Variants in RFX3 observed in about 807,000 individuals in gnomAD.
RFX3 encodes the protein transcription factor RFX3.
RFX3 carries 14 observed loss-of-function variants against 98.6 expected under a neutral mutation model. The observed-to-expected ratio is 0.14, with a 90% CI of 0.09 to 0.22. RFX3 has a LOEUF of 0.22. Among genes scored for constraint, RFX3 ranks in the 10% least tolerant of loss-of-function variants. The probability of loss-of-function intolerance (pLI) is 1.00; values close to 1 mark genes in which losing one functional copy is unlikely to be tolerated. For synonymous variants in RFX3, 383 were observed against 328.4 expected (o/e 1.17, Z -1.80); for missense variants, 639 against 926.9 (o/e 0.69, Z 4.03).
chr9:3,411,337 CT>C (rs1273816777), intron 1 of RFX3, among the ~76,000 whole-genome samples: 1 of 151,972 alleles, frequency 6.6e-6, no homozygotes, highest in Non-Finnish European at 1.5e-5. Flanking sequence ...CCCTTTCTCC[CT>C]TGCTCCTTTC....
chr9:3,457,139 C>CAAAAA (rs1169959832), intron 1 of RFX3, among the ~76,000 whole-genome samples: 1,234 of 22,406 alleles, frequency 0.055, 7 homozygotes, highest in Non-Finnish European at 0.063. Flanking sequence ...GACTCCATCT[C>CAAAAA]AAAAAAAAAA....
At chr9:3,501,168 T>G (rs896875022) in intron 1 of RFX3, among the ~76,000 whole-genome samples, 2 of 152,182 alleles carry the variant, frequency 1.3e-5, no homozygotes, top group African/African-American at 4.8e-5. Context: ...CCAGTTTTCT[T>G]GGACTAGTAA....
At chr9:3,369,860 T>G (rs376433479) in intron 2 of RFX3, among the ~76,000 whole-genome samples, 4 of 152,118 alleles carry the variant, frequency 2.6e-5, no homozygotes, top group Admixed American at 6.5e-5. Context: ...CACGGAGTCT[T>G]GATCTGTCGC....
At chr9:3,493,841 A>T (rs1361377364) in intron 1 of RFX3, among the ~76,000 whole-genome samples, 1 of 150,718 alleles carries the variant, frequency 6.6e-6, no homozygotes, top group African/African-American at 2.4e-5. Context: ...AGCTCTTCCA[A>T]CTCTTTATAC....
chr9:3,367,612 C>T (rs1431207410), intron 2 of RFX3, among the ~76,000 whole-genome samples: 1 of 152,190 alleles, frequency 6.6e-6, no homozygotes, highest in African/African-American at 2.4e-5. Flanking sequence ...GGAATTGTTA[C>T]CAACATTTTA....
intron 1 of RFX3, among the ~76,000 whole-genome samples, chr9:3,501,205 A>G (rs1815963880): frequency 6.6e-6 from 1 of 152,168 alleles, no homozygotes; most frequent in Non-Finnish European, 1.5e-5. Flanking sequence ...CTTCATCTCC[A>G]TTTACCCACC....
chr9:3,294,527 T>C (rs72699033), intron 5 of RFX3, among the ~76,000 whole-genome samples: 1 of 152,048 alleles, frequency 6.6e-6, no homozygotes, highest in East Asian at 1.9e-4. Flanking sequence ...TATGGACATT[T>C]AAATAAATAA....
intron 9 of RFX3, among the ~76,000 whole-genome samples, chr9:3,273,419 T>C (rs1824768932): frequency 2.0e-5 from 3 of 152,170 alleles, no homozygotes; most frequent in African/African-American, 7.2e-5. Context: ...TTTTTGAAAA[T>C]GGTATGTTAA....
At chr9:3,291,813 T>C (rs1307768945) in intron 6 of RFX3, among the ~76,000 whole-genome samples, 1 of 151,708 alleles carries the variant, frequency 6.6e-6, no homozygotes, top group African/African-American at 2.4e-5. Context: ...TTAAAAACTC[T>C]TCACTTTGGG....
intron 4 of RFX3, among the ~76,000 whole-genome samples, chr9:3,312,516 T>G (rs1830075595): frequency 6.6e-6 from 1 of 151,456 alleles, no homozygotes; most frequent in Admixed American, 6.6e-5. Flanking sequence ...TCCACAGCAA[T>G]GTCAAGAAGT....
chr9:3,376,315 C>T (rs1301469796), intron 2 of RFX3, among the ~76,000 whole-genome samples: 1 of 152,102 alleles, frequency 6.6e-6, no homozygotes, highest in Admixed American at 6.5e-5. Flanking sequence ...AACCATGGGA[C>T]TCAACAGGTC....
At chr9:3,276,010 T>C (rs1825165217) in intron 8 of RFX3, among the ~76,000 whole-genome samples, 1 of 152,158 alleles carries the variant, frequency 6.6e-6, no homozygotes. Context: ...TGTTCTTAAC[T>C]GTTATAGAGT....
intron 1 of RFX3, among the ~76,000 whole-genome samples, chr9:3,416,669 C>A (rs1319987516): frequency 6.6e-6 from 1 of 152,098 alleles, no homozygotes; most frequent in Admixed American, 6.6e-5. Context: ...TGAAGGTACA[C>A]TGTGATAAGT....
chr9:3,347,543 G>T (rs1563964543), intron 2 of RFX3, among the ~76,000 whole-genome samples: 1 of 151,950 alleles, frequency 6.6e-6, no homozygotes, highest in Admixed American at 6.6e-5. Flanking sequence ...ATTCCAGAAG[G>T]CCGGGTGCGG....
At chr9:3,310,251 T>C (rs993398290) in intron 4 of RFX3, among the ~76,000 whole-genome samples, 2 of 152,284 alleles carry the variant, frequency 1.3e-5, no homozygotes, top group East Asian at 1.9e-4. Flanking sequence ...CCTGGACATG[T>C]TGGTTACATA....
intron 6 of RFX3, among the ~76,000 whole-genome samples, chr9:3,291,390 AAAAACAAAACAAAACAAAAC>A (rs71324240): frequency 0.11 from 16,072 of 139,854 alleles, 865 homozygotes; most frequent in Middle Eastern, 0.2. Flanking sequence ...AAACAAAAAC[AAAAACAAAACAAAACAAAAC>A]AAAACAAAAC....
intron 1 of RFX3, among the ~76,000 whole-genome samples, chr9:3,409,407 G>A (rs1288803777): frequency 6.6e-6 from 1 of 152,106 alleles, no homozygotes; most frequent in Non-Finnish European, 1.5e-5. Context: ...ATTCAGCTGC[G>A]TTAGACTGTT....
At chr9:3,373,197 T>G (rs933888072) in intron 2 of RFX3, among the ~76,000 whole-genome samples, 2 of 152,182 alleles carry the variant, frequency 1.3e-5, no homozygotes, top group African/African-American at 4.8e-5. Flanking sequence ...CACTGACTAC[T>G]CCGAGACAGT....
intron 15 of RFX3, among the ~76,000 whole-genome samples, chr9:3,242,379 T>C (rs1820058702): frequency 6.6e-6 from 1 of 152,006 alleles, no homozygotes; most frequent in South Asian, 2.1e-4. Flanking sequence ...TCCTTACATT[T>C]TCTAAGCCAC....
Sources: allele counts gnomAD v4.1 joint callset (sites outside exome capture counted in the v4.1 genomes callset), GRCh38; gene constraint gnomAD v4.1.1; transcripts MANE v1.5; gene names NCBI Gene and HGNC (gene_info 2026-07-23, HGNC 2026-07-21).